The following KAT6A variants were observed in gnomAD, a reference collection of about 807,000 sequenced individuals.
The protein encoded by KAT6A is histone acetyltransferase KAT6A.
KAT6A carries 9 observed loss-of-function variants against 198.4 expected under a neutral mutation model. That is an observed-to-expected ratio of 0.05 (90% CI 0.03 to 0.08). The LOEUF is 0.08. Among genes scored for constraint, KAT6A ranks in the 10% least tolerant of loss-of-function variants. The pLI is 1.00. For synonymous variants in KAT6A, 890 were observed against 883.0 expected (o/e 1.01, Z -0.14); for missense variants, 2,077 against 2,509.9 (o/e 0.83, Z 3.69).
chr8:41,936,607 G>A (rs1273265118), intron 16 of KAT6A, among the ~76,000 whole-genome samples: 1 of 152,208 alleles, frequency 6.6e-6, no homozygotes, highest in East Asian at 1.9e-4. Context: ...TGTCTCTAGA[G>A]AAGAAATGAC....
At chr8:42,029,278 T>C (rs1040905287) in intron 2 of KAT6A, among the ~76,000 whole-genome samples, 1 of 152,188 alleles carries the variant, frequency 6.6e-6, no homozygotes, top group Non-Finnish European at 1.5e-5. Context: ...ACTGAATCTA[T>C]TTTGAAATCT....
rs1167805914 is a variant in KAT6A, at chr8:41,930,682, A to ATGTG, written c.*1519_*1522dup. The ATGTG allele has an allele frequency of 8.3e-3, 765 of 91,654 alleles. 16 individuals are homozygous for ATGTG. Among genetic ancestry groups the ATGTG allele is most frequent in the African/African-American group, 0.034 (642 of 18,656 alleles). 5.7% of individuals were successfully genotyped at this position (91,654 alleles called of 1,614,324 possible). A position where few individuals can be genotyped will look rare whatever the true frequency, so the allele number is the denominator to read the frequency against. ...AATGATGGAATATATATATATATAT[A>ATGTG]TGTGTGTGTGTGTGTGTGTGTGTGT... On this transcript the variant is annotated 3_prime_UTR_variant, in exon 17 of 17. Transcript: ENST00000265713.
chr8:41,982,467 A>T (rs539000255), intron 3 of KAT6A, among the ~76,000 whole-genome samples: 1 of 152,338 alleles, frequency 6.6e-6, no homozygotes, highest in South Asian at 2.1e-4. Context: ...AAATACAGTT[A>T]GTCCCCTTAT....
At chr8:41,964,602 A>G (rs1823365628) in intron 8 of KAT6A, among the ~76,000 whole-genome samples, 1 of 148,738 alleles carries the variant, frequency 6.7e-6, no homozygotes, top group Non-Finnish European at 1.5e-5. Context: ...ACGGCTAAGC[A>G]TATGATGCAA....
chr8:42,019,253 C>G (rs1426796347), intron 2 of KAT6A, among the ~76,000 whole-genome samples: 1 of 152,098 alleles, frequency 6.6e-6, no homozygotes, highest in East Asian at 1.9e-4. Context: ...GAAAGTGTTC[C>G]TCTTTATTTT....
intron 2 of KAT6A, among the ~76,000 whole-genome samples, chr8:42,043,292 T>C (rs1409755362): frequency 6.6e-6 from 1 of 152,218 alleles, no homozygotes; most frequent in Non-Finnish European, 1.5e-5. Context: ...GAAGATGCTA[T>C]TTAAGCCAGT....
At chr8:41,940,588 C>A (rs553102384) in intron 15 of KAT6A, among the ~76,000 whole-genome samples, 1 of 152,268 alleles carries the variant, frequency 6.6e-6, no homozygotes, top group South Asian at 2.1e-4. Context: ...TTGTTTGCAT[C>A]CCAGGAGGTG....
At chr8:42,024,415 T>C (rs1826694186) in intron 2 of KAT6A, among the ~76,000 whole-genome samples, 1 of 152,242 alleles carries the variant, frequency 6.6e-6, no homozygotes, top group African/African-American at 2.4e-5. Context: ...ATTTAGGATA[T>C]CCATCACCTC....
chr8:42,030,205 A>G (rs1366386068), intron 2 of KAT6A, among the ~76,000 whole-genome samples: 1 of 152,138 alleles, frequency 6.6e-6, no homozygotes, highest in Non-Finnish European at 1.5e-5. Context: ...CTATTCTAGT[A>G]TCAGGGCCCA....
chr8:42,046,509 T>A (rs6995064), intron 2 of KAT6A, among the ~76,000 whole-genome samples: 1 of 152,072 alleles, frequency 6.6e-6, no homozygotes, highest in Non-Finnish European at 1.5e-5. Context: ...CCAGCCTGGG[T>A]GACAGAACGA....
intron 2 of KAT6A, among the ~76,000 whole-genome samples, chr8:42,043,960 G>T (rs1342667777): frequency 6.6e-6 from 1 of 152,116 alleles, no homozygotes; most frequent in African/African-American, 2.4e-5. Context: ...TATGTTAGAG[G>T]ATTAAATGAG....
intron 2 of KAT6A, among the ~76,000 whole-genome samples, chr8:42,043,029 G>C (rs889225664): frequency 2.0e-5 from 3 of 152,070 alleles, no homozygotes; most frequent in Admixed American, 2.0e-4. Context: ...TTATTTCTGA[G>C]TCATGATACT....
intron 8 of KAT6A, among the ~76,000 whole-genome samples, chr8:41,969,921 T>C (rs2150881430): frequency 6.6e-6 from 1 of 152,334 alleles, no homozygotes; most frequent in South Asian, 2.1e-4. Context: ...CTGCTGACTT[T>C]TGAATACTCT....
At chr8:42,035,382 A>G (rs1270130203) in intron 2 of KAT6A, among the ~76,000 whole-genome samples, 1 of 152,276 alleles carries the variant, frequency 6.6e-6, no homozygotes, top group Non-Finnish European at 1.5e-5. Flanking sequence ...ATACAAGTCC[A>G]GAGATCAGAA....
chr8:42,037,224 C>G (rs1177250874), intron 2 of KAT6A, among the ~76,000 whole-genome samples: 1 of 152,096 alleles, frequency 6.6e-6, no homozygotes, highest in African/African-American at 2.4e-5. Flanking sequence ...CCACTGCTTT[C>G]CAAAGAATAA....
intron 8 of KAT6A, among the ~76,000 whole-genome samples, chr8:41,963,701 C>A (rs1823320214): frequency 6.6e-6 from 1 of 152,270 alleles, no homozygotes; most frequent in Non-Finnish European, 1.5e-5. Context: ...AATATGATGT[C>A]ATCCACTTTT....
intron 2 of KAT6A, among the ~76,000 whole-genome samples, chr8:42,012,828 G>A (rs1426080470): frequency 6.6e-6 from 1 of 152,160 alleles, no homozygotes; most frequent in Non-Finnish European, 1.5e-5. Context: ...AATAGGGGAA[G>A]AGATAAACAA....
intron 2 of KAT6A, among the ~76,000 whole-genome samples, chr8:42,017,981 A>G (rs1399225033): frequency 1.3e-5 from 2 of 152,228 alleles, no homozygotes; most frequent in African/African-American, 4.8e-5. Flanking sequence ...CAACTACAAT[A>G]ACCCAAGAAA....
chr8:42,044,160 G>A (rs909247574), intron 2 of KAT6A, among the ~76,000 whole-genome samples: 14 of 149,522 alleles, frequency 9.4e-5, no homozygotes, highest in African/African-American at 3.5e-4. Context: ...GAGTGCAGTG[G>A]CACAATCTAG....
Sources: allele counts gnomAD v4.1 joint callset (sites outside exome capture counted in the v4.1 genomes callset), GRCh38; gene constraint gnomAD v4.1.1; transcripts MANE v1.5; gene names NCBI Gene and HGNC (gene_info 2026-07-23, HGNC 2026-07-21).